The following TRPC6 variants were observed in gnomAD, a reference collection of about 807,000 sequenced individuals.
The protein encoded by TRPC6 is transient receptor potential cation channel subfamily C member 6.
In TRPC6, 55 loss-of-function variants were observed where a neutral mutation model predicts 90.7. That is an observed-to-expected ratio of 0.61 (90% CI 0.49 to 0.76). TRPC6 has a LOEUF of 0.76. Among genes scored for constraint, TRPC6 ranks in the 30% least tolerant of loss-of-function variants. TRPC6 has a pLI of 0.00. For missense variants in TRPC6, 989 were observed against 1,122.7 expected, an observed-to-expected ratio of 0.88 and a Z score of 1.70; for synonymous variants, 393 against 393.0, an observed-to-expected ratio of 1.00 and a Z score of 0.00.
chr11:101,551,933 T>C (rs1024263797), intron 1 of TRPC6, among the ~76,000 whole-genome samples: 1 of 152,104 alleles, frequency 6.6e-6, no homozygotes, highest in Non-Finnish European at 1.5e-5. Flanking sequence ...TCCCATCCTT[T>C]TGTGTCTCCT....
At chr11:101,519,391 C>G (rs142986516) in intron 1 of TRPC6, among the ~76,000 whole-genome samples, 1 of 152,098 alleles carries the variant, frequency 6.6e-6, no homozygotes, top group Non-Finnish European at 1.5e-5. Context: ...CCTCTAAGGA[C>G]CCTTCCAGTT....
chr11:101,495,591 A>AATT (rs199580955), intron 2 of TRPC6, among the ~76,000 whole-genome samples: 2,844 of 141,848 alleles, frequency 0.02, 43 homozygotes, highest in East Asian at 0.04. Context: ...GATCAATGGT[A>AATT]ATTATTATTA....
intron 10 of TRPC6, among the ~76,000 whole-genome samples, chr11:101,464,118 G>C (rs1345201922): frequency 6.6e-6 from 1 of 151,960 alleles, no homozygotes; most frequent in South Asian, 2.1e-4. Flanking sequence ...GTGCGGTTTT[G>C]AGTTAATTTC....
intron 2 of TRPC6, 87 bp downstream of exon 2, chr11:101,503,937 G>C: frequency 6.6e-7 from 1 of 1,520,848 alleles, no homozygotes; most frequent in Non-Finnish European, 9.1e-7. Context: ...ACAGTAACTA[G>C]CACAGTGCTG....
intron 1 of TRPC6, among the ~76,000 whole-genome samples, chr11:101,526,305 G>A (rs970576464): frequency 2.6e-5 from 4 of 152,050 alleles, no homozygotes; most frequent in African/African-American, 7.2e-5. Context: ...ATATCCATGC[G>A]AAATGGTATT....
At chr11:101,459,880 G>A (rs1014255406) in intron 10 of TRPC6, among the ~76,000 whole-genome samples, 8 of 152,078 alleles carry the variant, frequency 5.3e-5, no homozygotes, top group South Asian at 2.1e-4. Context: ...TTACATTTGC[G>A]TAGTGTTTAC....
chr11:101,461,287 A>G (rs1471896332), intron 10 of TRPC6, among the ~76,000 whole-genome samples: 1 of 152,042 alleles, frequency 6.6e-6, no homozygotes. Context: ...TGTTTGGGCC[A>G]GGCACGGTGG....
At chr11:101,555,935 A>G (rs989859625) in intron 1 of TRPC6, among the ~76,000 whole-genome samples, 2 of 152,158 alleles carry the variant, frequency 1.3e-5, no homozygotes, top group Admixed American at 1.3e-4. Context: ...AAATTTGCCA[A>G]TACACGGATA....
intron 4 of TRPC6, among the ~76,000 whole-genome samples, chr11:101,483,737 C>A (rs954495874): frequency 6.6e-6 from 1 of 152,200 alleles, no homozygotes; most frequent in African/African-American, 2.4e-5. Context: ...TTGAAACAAT[C>A]TCCTGGAAGG....
chr11:101,583,581 G>C lies in TRPC6; in HGVS notation c.-78C>G. 1 of 1,389,158 alleles carries C rather than the reference G, an allele frequency of 7.2e-7. No homozygotes were observed. Among genetic ancestry groups the C allele is most frequent in the Non-Finnish European group, 9.3e-7 (1 of 1,073,602 alleles). 86.1% of individuals were successfully genotyped at this position (1,389,158 alleles called of 1,614,324 possible). The stretch of plus-strand genomic sequence containing the variant: ...AGTTCCAGCGGGGACCCGGTGCGGA[G>C]GGTTCGCGTCAGCGGCCGAACTGGA... On this transcript the variant is annotated 5_prime_UTR_variant, in exon 1 of 13. Transcript: ENST00000344327.
At chr11:101,499,780 G>T (rs78877244) in intron 2 of TRPC6, among the ~76,000 whole-genome samples, 2 of 5,116 alleles carry the variant, frequency 3.9e-4, no homozygotes, top group Non-Finnish European at 8.6e-4. Context: ...TATATACACA[G>T]TATAAAATGT....
At chr11:101,460,458 GATC>G (rs1247743804) in intron 10 of TRPC6, among the ~76,000 whole-genome samples, 2 of 152,166 alleles carry the variant, frequency 1.3e-5, no homozygotes, top group East Asian at 1.9e-4. Flanking sequence ...TTATTCTTAT[GATC>G]ATATTATTTT....
At position 101,546,158 on chromosome 11, in the gene TRPC6, G is replaced by C. The variant is rs1310384134; in HGVS notation, c.170+37176C>G. ...GCAATCTCGGCTCACTGCAAGCTCC[G>C]CTTCCCGGGTTCACGCCATTCTCCT... On this transcript the variant is annotated intron_variant, in intron 1 of 12. Transcript: ENST00000344327. Among the ~76,000 whole-genome samples the C allele has an allele frequency of 1.1e-4, 7 of 63,348 alleles. 1 individual carries two copies. The highest frequency in any genetic ancestry group is 1.8e-4 in the Non-Finnish European group (6 of 33,218). The allele number at this position is 63,348 out of a possible 152,430, so 41.6% of individuals were successfully genotyped here. A position where few individuals can be genotyped will look rare whatever the true frequency, so the allele number is the denominator to read the frequency against.
intron 1 of TRPC6, among the ~76,000 whole-genome samples, chr11:101,579,087 T>C (rs1862134496): frequency 6.6e-6 from 1 of 152,132 alleles, no homozygotes; most frequent in African/African-American, 2.4e-5. Flanking sequence ...CTTCTATATG[T>C]TTTCTTTTCC....
intron 1 of TRPC6, among the ~76,000 whole-genome samples, chr11:101,518,737 TC>T (rs1291625680): frequency 8.5e-5 from 13 of 152,274 alleles, no homozygotes; most frequent in African/African-American, 3.1e-4. Context: ...GTAGCTGCAC[TC>T]CCATGTTTGT....
intron 5 of TRPC6, 35 bp downstream of exon 5, chr11:101,482,914 G>C: frequency 6.2e-7 from 1 of 1,606,460 alleles, no homozygotes. Context: ...TGCTAAGACT[G>C]CAAACAGAAA....
chr11:101,465,380 G>A (rs542532350), intron 10 of TRPC6, among the ~76,000 whole-genome samples: 2 of 152,286 alleles, frequency 1.3e-5, no homozygotes, highest in East Asian at 3.9e-4. Flanking sequence ...CCTGAAGAGT[G>A]TCTTCCTATT....
At chr11:101,557,475 T>C (rs1203392375) in intron 1 of TRPC6, among the ~76,000 whole-genome samples, 1 of 152,184 alleles carries the variant, frequency 6.6e-6, no homozygotes, top group Admixed American at 6.5e-5. Context: ...CTCTTACCAC[T>C]TCTATTCAAC....
At chr11:101,465,954 C>G (rs12797690) in intron 10 of TRPC6, among the ~76,000 whole-genome samples, 52,259 of 152,062 alleles carry the variant, frequency 0.34, 12,713 homozygotes, top group African/African-American at 0.69. Context: ...ATCTACCTTT[C>G]GTCTTTGATG....
Sources: allele counts gnomAD v4.1 joint callset (sites outside exome capture counted in the v4.1 genomes callset), GRCh38; gene constraint gnomAD v4.1.1; transcripts MANE v1.5; gene names NCBI Gene and HGNC (gene_info 2026-07-23, HGNC 2026-07-21).